CYP19A1: variants seen among roughly 807,000 people sequenced by gnomAD.
CYP19A1 encodes aromatase.
In CYP19A1, 32 loss-of-function variants were observed where a neutral mutation model predicts 44.4. The observed-to-expected ratio is 0.72, with a 90% CI of 0.54 to 0.97. The LOEUF (loss-of-function observed/expected upper bound fraction) is 0.97, where lower values mean the gene tolerates loss of function less well. CYP19A1 is among the 50% of genes least tolerant of loss of function. CYP19A1 has a pLI of 0.00. For synonymous variants in CYP19A1, 212 were observed against 215.6 expected, an observed-to-expected ratio of 0.98 and a Z score of 0.14; for missense variants, 598 against 637.8, an observed-to-expected ratio of 0.94 and a Z score of 0.67.
At chr15:51,325,611 G>A (rs2036594306) in intron 1 of CYP19A1, among the ~76,000 whole-genome samples, 1 of 152,052 alleles carries the variant, frequency 6.6e-6, no homozygotes, top group Non-Finnish European at 1.5e-5. Flanking sequence ...AGGCCGAGGT[G>A]GGCGGATCAC....
chr15:51,325,653 C>A (rs1470034117), intron 1 of CYP19A1, among the ~76,000 whole-genome samples: 1 of 152,072 alleles, frequency 6.6e-6, no homozygotes, highest in Non-Finnish European at 1.5e-5. Context: ...TCCTGGCTAA[C>A]ACGGTGAAAC....
At chr15:51,240,818 C>A (rs1595709923) in intron 2 of CYP19A1, among the ~76,000 whole-genome samples, 1 of 152,170 alleles carries the variant, frequency 6.6e-6, no homozygotes, top group East Asian at 1.9e-4. Context: ...AAGCCATTTC[C>A]CTTCACTGGG....
intron 1 of CYP19A1, among the ~76,000 whole-genome samples, chr15:51,304,543 G>A (rs1322760839): frequency 6.6e-6 from 1 of 152,222 alleles, no homozygotes; most frequent in Non-Finnish European, 1.5e-5. Flanking sequence ...TGGATGGTAA[G>A]ATTATGGGAA....
chr15:51,251,081 G>A (rs142315345), intron 1 of CYP19A1, among the ~76,000 whole-genome samples: 4 of 152,276 alleles, frequency 2.6e-5, no homozygotes, highest in South Asian at 2.1e-4. Flanking sequence ...GGCCTGCCAC[G>A]CCCGGGCTGA....
chr15:51,302,634 ATCACAGCC>A (rs1271301098), intron 1 of CYP19A1, among the ~76,000 whole-genome samples: 2 of 152,180 alleles, frequency 1.3e-5, no homozygotes, highest in African/African-American at 4.8e-5. Flanking sequence ...GTCCTCACAG[ATCACAGCC>A]TCAAACTGAA....
chr15:51,274,250 G>A (rs1222851938), intron 1 of CYP19A1, among the ~76,000 whole-genome samples: 1 of 152,194 alleles, frequency 6.6e-6, no homozygotes, highest in Non-Finnish European at 1.5e-5. Flanking sequence ...GAGGCATGAA[G>A]ATTACTTGCA....
chr15:51,239,007 C>T (rs1357483567), intron 2 of CYP19A1, among the ~76,000 whole-genome samples: 2 of 152,160 alleles, frequency 1.3e-5, no homozygotes, highest in East Asian at 3.9e-4. Flanking sequence ...TTTTCATTTA[C>T]GTGTATATCT....
At chr15:51,329,546 G>A (rs1310796071) in intron 1 of CYP19A1, among the ~76,000 whole-genome samples, 1 of 152,174 alleles carries the variant, frequency 6.6e-6, no homozygotes, top group Non-Finnish European at 1.5e-5. Flanking sequence ...AATTTTACAA[G>A]GTAAACATGT....
At chr15:51,329,880 T>A (rs1299081429) in intron 1 of CYP19A1, among the ~76,000 whole-genome samples, 2 of 152,154 alleles carry the variant, frequency 1.3e-5, no homozygotes, top group Admixed American at 1.3e-4. Flanking sequence ...GACAGGCCAT[T>A]GTGAAATGAC....
At chr15:51,283,881 T>C (rs1215773741) in intron 1 of CYP19A1, among the ~76,000 whole-genome samples, 2 of 152,190 alleles carry the variant, frequency 1.3e-5, no homozygotes, top group African/African-American at 4.8e-5. Flanking sequence ...CAGCAGGCAG[T>C]GTTGCCATAG....
intron 1 of CYP19A1, among the ~76,000 whole-genome samples, chr15:51,284,331 C>G (rs1292155562): frequency 6.6e-6 from 1 of 152,204 alleles, no homozygotes; most frequent in Non-Finnish European, 1.5e-5. Context: ...TATTATTGCT[C>G]TAAATCAATG....
chr15:51,315,216 G>A (rs1015958484), intron 1 of CYP19A1, among the ~76,000 whole-genome samples: 11 of 151,990 alleles, frequency 7.2e-5, no homozygotes, highest in Admixed American at 2.6e-4. Flanking sequence ...CACCACCACC[G>A]TCACCCAGGC....
intron 1 of CYP19A1, among the ~76,000 whole-genome samples, chr15:51,296,456 A>G (rs2035996802): frequency 1.3e-5 from 2 of 152,288 alleles, no homozygotes; most frequent in Middle Eastern, 3.4e-3. Context: ...AGGCAGTCAT[A>G]TGGATCCATG....
chr15:51,271,090 G>C (rs1184262055), intron 1 of CYP19A1, among the ~76,000 whole-genome samples: 1 of 151,656 alleles, frequency 6.6e-6, no homozygotes, highest in Non-Finnish European at 1.5e-5. Flanking sequence ...ACGTCTCCTT[G>C]GAACCACGTG....
chr15:51,225,636 A>G (rs1473412897), intron 4 of CYP19A1, among the ~76,000 whole-genome samples: 1 of 152,164 alleles, frequency 6.6e-6, no homozygotes, highest in Non-Finnish European at 1.5e-5. Context: ...AAGGAGATTT[A>G]TCTCCCCCAA....
chr15:51,336,909 CT>C (rs1555400671), intron 1 of CYP19A1, among the ~76,000 whole-genome samples: 228 of 37,474 alleles, frequency 6.1e-3, no homozygotes, highest in Non-Finnish European at 5.2e-3. Context: ...AGATTGATAG[CT>C]TTTTTTTTTT....
intron 1 of CYP19A1, among the ~76,000 whole-genome samples, chr15:51,335,773 G>A (rs1475056904): frequency 6.6e-6 from 1 of 152,096 alleles, no homozygotes; most frequent in African/African-American, 2.4e-5. Flanking sequence ...CCACACACAC[G>A]TAAAACTCCT....
chr15:51,233,021 T>C (rs1348490151), intron 3 of CYP19A1, among the ~76,000 whole-genome samples: 1 of 152,260 alleles, frequency 6.6e-6, no homozygotes, highest in Non-Finnish European at 1.5e-5. Context: ...TGCCTTAGAA[T>C]ATTGGCACTT....
At chr15:51,255,233 TG>T (rs930931493) in intron 1 of CYP19A1, among the ~76,000 whole-genome samples, 25 of 152,232 alleles carry the variant, frequency 1.6e-4, no homozygotes, top group African/African-American at 6.0e-4. Context: ...ATTCAGTAAT[TG>T]GGGGCAAACG....
Sources: allele counts gnomAD v4.1 joint callset (sites outside exome capture counted in the v4.1 genomes callset), GRCh38; gene constraint gnomAD v4.1.1; transcripts MANE v1.5; gene names NCBI Gene and HGNC (gene_info 2026-07-23, HGNC 2026-07-21).